The following SHBG variants were observed in gnomAD, a reference collection of about 807,000 sequenced individuals.
SHBG encodes the protein sex hormone binding globulin, also known as sex hormone-binding globulin.
SHBG carries 37 observed loss-of-function variants against 41.9 expected under a neutral mutation model. The observed-to-expected ratio is 0.88, with a 90% CI of 0.68 to 1.16. SHBG has a LOEUF of 1.16. Among genes scored for constraint, SHBG ranks in the 50% most tolerant of loss-of-function variants. The pLI is 0.00. For missense variants in SHBG, 466 were observed against 499.9 expected (o/e 0.93, Z 0.65); for synonymous variants, 217 against 205.8 (o/e 1.05, Z -0.47).
At chr17:7,632,663 A>T in intron 6 of SHBG, 89 bp from the exon 7 acceptor site, 1 of 1,016,810 alleles carries the variant, frequency 9.8e-7, no homozygotes, top group Non-Finnish European at 1.6e-6. Flanking sequence ...AAGAGGCAGA[A>T]TTAAGGCAGC....
intron 1 of SHBG, among the ~76,000 whole-genome samples, chr17:7,618,459 T>C (rs1429579978): frequency 6.6e-6 from 1 of 151,126 alleles, no homozygotes; most frequent in African/African-American, 2.4e-5. Context: ...TTTGTTTTTG[T>C]TTTTGTTTTT....
upstream of SHBG, chr17:7,626,734 G>A (rs766957337): frequency 6.2e-6 from 10 of 1,613,750 alleles, no homozygotes; most frequent in Admixed American, 3.3e-5. Context: ...CTCACTTGTC[G>A]CCCCACCCAT....
chr17:7,631,347 A>T lies in SHBG; in HGVS notation c.541A>T (p.Asn181Tyr). The T allele has an allele frequency of 6.2e-7, 1 of 1,613,354 alleles. No individual in the cohort carries two copies. Among genetic ancestry groups the T allele is most frequent in the Non-Finnish European group, 8.5e-7 (1 of 1,179,752 alleles). The change falls in exon 4 of 8, where the codon AAC becomes TAC. Residue 181 changes from asparagine (N) to tyrosine (Y), a missense_variant. Physicochemically the swap from Asn to Tyr is moderately radical, Grantham distance 143. Coordinates refer to ENST00000380450, the MANE Select transcript of SHBG (RefSeq NM_001040.5). Reference protein sequence around the residue: ...ALGGLLFPASNLRLPLVPALD... With the variant: ...ALGGLLFPASYLRLPLVPALD... ...TGGGGGGCTGCTCTTCCCCGCTTCCAACCTTCGGTTGCCGGTAACTACACC... is the reference window on the plus strand; with the variant it reads ...TGGGGGGCTGCTCTTCCCCGCTTCCTACCTTCGGTTGCCGGTAACTACACC...
At chr17:7,628,430 AT>A (rs201952171), upstream of SHBG, among the ~76,000 whole-genome samples, 5 of 142,814 alleles carry the variant, frequency 3.5e-5, no homozygotes, top group African/African-American at 7.9e-5. Context: ...CGCCCGGCTA[AT>A]TTTTTTTTCT....
rs576578590 is a variant in SHBG at position 7,630,194 on chromosome 17, G to A, written c.22G>A (p.Ala8Thr). The change falls in exon 1 of 8, where the codon GCT becomes ACT. Residue 8 changes from alanine (A) to threonine (T), a missense_variant. Ala to Thr is a moderately conservative substitution (Grantham distance 58). Transcript: ENST00000380450. The surrounding 1 kb of genome is among the most constrained non-coding windows in gnomAD (Gnocchi z 4.6). ...GATTATGGAGAGCAGAGGCCCACTG[G>A]CTACCTCGCGCCTGCTGCTGTTGCT... MESRGPLATSRLLLLLLL... is the reference protein window; with the variant it reads MESRGPLTTSRLLLLLLL... 1.2e-6 allele frequency: 2 copies of A among 1,613,882 alleles called. No homozygotes were observed. The highest frequency in any genetic ancestry group is 4.5e-5 in the East Asian group (2 of 44,874).
upstream of SHBG, among the ~76,000 whole-genome samples, chr17:7,624,212 A>T (rs542775010): frequency 6.6e-6 from 1 of 150,832 alleles, no homozygotes; most frequent in Non-Finnish European, 1.5e-5. Context: ...TTGGCCTCCC[A>T]AAGTGTTAGG....
chr17:7,622,721 G>T (rs1315847768), intron 1 of SHBG, among the ~76,000 whole-genome samples: 1 of 151,502 alleles, frequency 6.6e-6, no homozygotes, highest in Non-Finnish European at 1.5e-5. Context: ...CAAGGTGAGG[G>T]TAATAACATT....
chr17:7,621,151 A>G (rs1299280556), intron 1 of SHBG, among the ~76,000 whole-genome samples: 1 of 137,508 alleles, frequency 7.3e-6, no homozygotes, highest in East Asian at 2.2e-4. Flanking sequence ...CAGTTAGCTC[A>G]GTTGGTTAGA....
At chr17:7,621,094 C>CAAAAAAAAAAA in intron 1 of SHBG, among the ~76,000 whole-genome samples, 1 of 52,274 alleles carries the variant, frequency 1.9e-5, no homozygotes, top group Non-Finnish European at 3.2e-5. Flanking sequence ...GACCCTGTCA[C>CAAAAAAAAAAA]AAAAAAAAAA....
upstream of SHBG, chr17:7,630,075 G>C (rs1050321308): frequency 9.8e-7 from 1 of 1,018,380 alleles, no homozygotes; most frequent in African/African-American, 1.6e-5. This position sits in a 1 kb window ranked among gnomAD's most constrained non-coding sequence, Gnocchi z 4.6. Context: ...CCTCCTCCCC[G>C]GGCAACCTTT....
intron 1 of SHBG, among the ~76,000 whole-genome samples, chr17:7,621,843 AT>A (rs879388427): frequency 1.1e-3 from 162 of 144,316 alleles, no homozygotes; most frequent in East Asian, 7.1e-3. Context: ...AGACATTTTA[AT>A]TTTTTTTTTT....
upstream of SHBG, chr17:7,626,643 T>C: frequency 6.2e-7 from 1 of 1,611,260 alleles, no homozygotes; most frequent in Non-Finnish European, 8.5e-7. Context: ...CTAACTTTTC[T>C]GGGGTCAAAA....
Position 7,630,682 on chromosome 17 carries a change from C to T in SHBG, c.206C>T (p.Thr69Ile). ...MTFDLTKITK[T>I]SSSFEVRTWD... is the part of the protein sequence containing the mutation. ...TCTTTCCTTCTGTGTCCTTCCAGAA[C>T]CTCCTCCTCCTTTGAGGTTCGAACC... The change falls in exon 3 of 8, where the codon ACC (threonine) becomes ATC (isoleucine). Residue 69 changes from threonine (T) to isoleucine (I), a missense_variant and splice_region_variant. By Grantham distance (89) the Thr-to-Ile change is moderately conservative. Transcript: ENST00000380450. This position sits in a 1 kb window ranked among gnomAD's most constrained non-coding sequence, Gnocchi z 4.6. 1 of 1,613,164 alleles carries T rather than the reference C, an allele frequency of 6.2e-7. No individual in the cohort carries two copies. Among genetic ancestry groups the T allele is most frequent in the Non-Finnish European group, 8.5e-7 (1 of 1,179,238 alleles).
At chr17:7,631,554 C>T in intron 4 of SHBG, 35 bp from the exon 5 acceptor site, 1 of 1,613,048 alleles carries the variant, frequency 6.2e-7, no homozygotes. Context: ...GCCCTGATTT[C>T]TACATCCCCG....
chr17:7,626,575 C>T (rs777816800), upstream of SHBG: 38 of 1,613,970 alleles, frequency 2.4e-5, no homozygotes, highest in South Asian at 1.2e-4. Context: ...CAGTCCAGGA[C>T]GGCCAGGCGG....
At chr17:7,628,157 C>G (rs1451781860), upstream of SHBG, 4 of 457,918 alleles carry the variant, frequency 8.7e-6, no homozygotes, top group African/African-American at 2.0e-5. Context: ...CCTGGGTAAG[C>G]CTTAAGACCC....
At chr17:7,628,761 A>G (rs2072305676), upstream of SHBG, among the ~76,000 whole-genome samples, 1 of 151,984 alleles carries the variant, frequency 6.6e-6, no homozygotes, top group Non-Finnish European at 1.5e-5. Context: ...TTTGCATTTT[A>G]AAATGGGTCA....
upstream of SHBG, chr17:7,628,189 T>G (rs909360666): frequency 2.2e-6 from 1 of 456,108 alleles, no homozygotes; most frequent in South Asian, 1.6e-5. Context: ...AGCTGTTTCC[T>G]GCAGCTCTTG....
intron 1 of SHBG, among the ~76,000 whole-genome samples, chr17:7,620,452 G>C (rs1256369479): frequency 6.6e-6 from 1 of 152,126 alleles, no homozygotes; most frequent in Non-Finnish European, 1.5e-5. Flanking sequence ...AAGTAGCTTG[G>C]ATTACAGCCG....
Sources: gnomAD v4.1 joint callset for allele counts (sites outside exome capture counted in the v4.1 genomes callset) on GRCh38, gnomAD v4.1.1 for gene constraint, Gnocchi (gnomAD v3.1) non-coding constraint, MANE v1.5 for transcripts, NCBI Gene and HGNC (gene_info 2026-07-23, HGNC 2026-07-21) for gene names.